Variants in GRIP1 observed in about 807,000 individuals in gnomAD.
GRIP1 encodes the protein glutamate receptor-interacting protein 1.
In GRIP1, 45 loss-of-function variants were observed where a neutral mutation model predicts 129.9. That is an observed-to-expected ratio of 0.35 (90% CI 0.27 to 0.44). The LOEUF (loss-of-function observed/expected upper bound fraction) is 0.44, where lower values mean the gene tolerates loss of function less well. GRIP1 is among the 20% of genes least tolerant of loss of function. The probability of loss-of-function intolerance (pLI) is 1.00; values close to 1 mark genes in which losing one functional copy is unlikely to be tolerated. For missense variants in GRIP1, 1,196 were observed against 1,396.8 expected (o/e 0.86, Z 2.29); for synonymous variants, 530 against 520.8 (o/e 1.02, Z -0.24).
intron 1 of GRIP1, among the ~76,000 whole-genome samples, chr12:66,670,639 G>A (rs1358835607): frequency 6.6e-6 from 1 of 152,172 alleles, no homozygotes; most frequent in Non-Finnish European, 1.5e-5. Context: ...ACCTGTATCA[G>A]GCCTCTTTTG....
intron 2 of GRIP1, among the ~76,000 whole-genome samples, chr12:66,595,217 T>A (rs1369436535): frequency 1.3e-5 from 2 of 151,958 alleles, no homozygotes; most frequent in Non-Finnish European, 2.9e-5. Context: ...AAATCTAACA[T>A]AAAGAGAAGG....
chr12:66,748,540 T>C lies in GRIP1; in HGVS notation c.-420+55513A>G, dbSNP rs542625838. 6.6e-5 allele frequency among the ~76,000 whole-genome samples: 10 copies of C among 152,336 alleles called. No homozygotes were observed. The South Asian group carries it at 2.1e-3, about 32-fold the overall frequency. ...CAGTGTTAGTGGCATGTATCTATCG[T>C]AAGTTCCAACTAACCCCAAGCTGTA... On this transcript the variant is annotated intron_variant, in intron 1 of 4. Transcript: ENST00000538373.
rs1369754485 is a variant in GRIP1 at position 66,678,907 on chromosome 12, T to C, written c.-3A>G. 5 of 1,613,444 alleles carry C rather than the reference T, an allele frequency of 3.1e-6. No individual in the cohort carries two copies. Among genetic ancestry groups the C allele is most frequent in the Admixed American group, 1.7e-5 (1 of 59,964 alleles). On this transcript the variant is annotated 5_prime_UTR_variant, in exon 1 of 25. Coordinates refer to ENST00000359742, the MANE Select transcript of GRIP1 (RefSeq NM_001366722.1). ...CATTTAAAAGAGACAGCTATCATTC[T>C]TGCTCACTGCTTTCTGTGGCAAAGT... is the stretch of plus-strand genomic sequence containing the variant.
At chr12:66,692,793 C>A (rs2136320074) in intron 1 of GRIP1, among the ~76,000 whole-genome samples, 1 of 152,276 alleles carries the variant, frequency 6.6e-6, no homozygotes, top group East Asian at 1.9e-4. Flanking sequence ...GCTCTGGGAC[C>A]AGACTGCCTG....
chr12:66,750,388 T>C (rs2037086979), intron 1 of GRIP1, among the ~76,000 whole-genome samples: 1 of 152,138 alleles, frequency 6.6e-6, no homozygotes, highest in African/African-American at 2.4e-5. Context: ...TGTCCCCTTT[T>C]TATAGGTAAA....
chr12:66,953,662 G>C (rs996178473), intron 1 of GRIP1, among the ~76,000 whole-genome samples: 1 of 152,072 alleles, frequency 6.6e-6, no homozygotes, highest in Admixed American at 6.6e-5. Flanking sequence ...TGATGCTCAC[G>C]GGTATTAGTG....
intron 1 of GRIP1, among the ~76,000 whole-genome samples, chr12:67,067,127 T>C (rs1325736043): frequency 6.6e-6 from 1 of 151,942 alleles, no homozygotes; most frequent in African/African-American, 2.4e-5. Context: ...TAACAAACAT[T>C]TTTTGTTTTC....
chr12:66,647,068 C>A (rs1020596310), intron 1 of GRIP1, among the ~76,000 whole-genome samples: 3 of 152,226 alleles, frequency 2.0e-5, no homozygotes, highest in Admixed American at 2.0e-4. Flanking sequence ...AACAGCCAGG[C>A]TGAACTCCAG....
At chr12:66,432,071 AACTT>A (rs1218292743) in intron 14 of GRIP1, among the ~76,000 whole-genome samples, 3 of 152,150 alleles carry the variant, frequency 2.0e-5, no homozygotes, top group Non-Finnish European at 4.4e-5. Context: ...AGATTATAAA[AACTT>A]AATTCACAAT....
At chr12:66,840,318 G>T (rs1203069559) in intron 1 of GRIP1, among the ~76,000 whole-genome samples, 1 of 152,114 alleles carries the variant, frequency 6.6e-6, no homozygotes, top group Non-Finnish European at 1.5e-5. Context: ...TCTTATTAAG[G>T]AACAATAATG....
chr12:66,844,357 C>A (rs1825376464), intron 1 of GRIP1, among the ~76,000 whole-genome samples: 1 of 152,144 alleles, frequency 6.6e-6, no homozygotes, highest in Non-Finnish European at 1.5e-5. Context: ...AACATCACTA[C>A]TTATTAGGAA....
intron 2 of GRIP1, among the ~76,000 whole-genome samples, chr12:66,582,391 G>A (rs911388404): frequency 6.8e-6 from 1 of 146,476 alleles, no homozygotes; most frequent in African/African-American, 2.5e-5. Context: ...ACATAGTGTT[G>A]GAAGTTCTGG....
At chr12:67,009,193 G>A (rs2042669858) in intron 1 of GRIP1, among the ~76,000 whole-genome samples, 1 of 152,068 alleles carries the variant, frequency 6.6e-6, no homozygotes, top group Non-Finnish European at 1.5e-5. Context: ...GCTAAAGATT[G>A]TTTCCCCTGG....
At chr12:66,644,537 G>T (rs1424076556) in intron 1 of GRIP1, among the ~76,000 whole-genome samples, 1 of 152,104 alleles carries the variant, frequency 6.6e-6, no homozygotes, top group Non-Finnish European at 1.5e-5. Context: ...AAAACCAGCA[G>T]TATTATTGAA....
chr12:66,961,452 C>T (rs2041919784), intron 1 of GRIP1, among the ~76,000 whole-genome samples: 1 of 152,134 alleles, frequency 6.6e-6, no homozygotes, highest in African/African-American at 2.4e-5. Flanking sequence ...ATTTTATAAG[C>T]AGCTTGCTCC....
intron 15 of GRIP1, 40 bp downstream of exon 15, chr12:66,420,680 G>A (rs1282639625): frequency 9.4e-7 from 1 of 1,068,600 alleles, no homozygotes; most frequent in Non-Finnish European, 1.5e-6. Context: ...CTTAAATTAA[G>A]AGAGGCCTTA....
At chr12:66,596,283 A>G (rs977592650) in intron 2 of GRIP1, among the ~76,000 whole-genome samples, 2 of 152,176 alleles carry the variant, frequency 1.3e-5, no homozygotes, top group African/African-American at 4.8e-5. Context: ...GGGTAAAGAC[A>G]TTTAAAGATA....
chr12:66,723,224 T>C (rs1295250492), intron 1 of GRIP1, among the ~76,000 whole-genome samples: 17 of 47,680 alleles, frequency 3.6e-4, no homozygotes, highest in South Asian at 8.4e-4. Context: ...CTTTCTTTCT[T>C]TCTCTCTCTC....
At chr12:66,675,330 T>G (rs948927015) in intron 1 of GRIP1, among the ~76,000 whole-genome samples, 1 of 152,206 alleles carries the variant, frequency 6.6e-6, no homozygotes, top group Admixed American at 6.5e-5. Context: ...CCATTGCCAG[T>G]GGAGCACGAA....
Sources: gnomAD v4.1 joint callset for allele counts (sites outside exome capture counted in the v4.1 genomes callset) on GRCh38, gnomAD v4.1.1 for gene constraint, MANE v1.5 for transcripts, NCBI Gene and HGNC (gene_info 2026-07-23, HGNC 2026-07-21) for gene names.